NKIRAS2: variants seen among roughly 807,000 people sequenced by gnomAD.
The protein encoded by NKIRAS2 is NF-kappa-B inhibitor-interacting Ras-like protein 2.
NKIRAS2 carries 15 observed loss-of-function variants against 20.7 expected under a neutral mutation model. The ratio of observed to expected loss-of-function variants is 0.73; its 90% CI spans 0.49 to 1.12. NKIRAS2 has a LOEUF of 1.12. Among genes scored for constraint, NKIRAS2 ranks in the 50% most tolerant of loss-of-function variants. The pLI is 0.00. For synonymous variants in NKIRAS2, 116 were observed against 101.4 expected (o/e 1.14, Z -0.87); for missense variants, 196 against 249.6 (o/e 0.79, Z 1.45).
Position 42,022,049 on chromosome 17 carries a change from A to G in NKIRAS2, c.95-350A>G, listed in dbSNP as rs1286727892. 54 of 447,352 alleles carry G rather than the reference A, an allele frequency of 1.2e-4. No individual in the cohort carries two copies. The East Asian group carries it at 2.1e-3, about 17-fold the overall frequency. 27.7% of individuals were successfully genotyped at this position (447,352 alleles called of 1,614,324 possible). Reference sequence around the variant, plus strand: ...ACTTGGAGAAACCCTGTCTCTACTAAAAATACAAAATTAGCCGGGTGTGGT... The same window carrying G: ...ACTTGGAGAAACCCTGTCTCTACTAGAAATACAAAATTAGCCGGGTGTGGT... On this transcript the variant is annotated intron_variant, in intron 2 of 3. Coordinates refer to ENST00000393885, the MANE Select transcript of NKIRAS2 (RefSeq NM_017595.6).
chr17:42,018,599 C>T (rs1555652436), upstream of NKIRAS2: 2 of 152,174 alleles, frequency 1.3e-5, no homozygotes, highest in East Asian at 1.9e-4. Context: ...CAGCCCTTTC[C>T]AAAACGCCTA....
In NKIRAS2 at chr17:42,023,638, T is replaced by A. The variant is rs1555653551; in HGVS notation, c.337-16T>A. 5 of 1,612,596 alleles carry A rather than the reference T, an allele frequency of 3.1e-6. No homozygotes were observed. Among genetic ancestry groups the A allele is most frequent in the Non-Finnish European group, 4.2e-6 (5 of 1,179,016 alleles). On this transcript the variant is annotated splice_polypyrimidine_tract_variant and intron_variant, in intron 3 of 3. Transcript: ENST00000393885. ...ATGGTACATTCACAGGCCTATGCTC[T>A]GTCCCTCTTCCCCAGGTCACCATCG... is the stretch of plus-strand genomic sequence containing the variant.
chr17:42,017,751 A>G, upstream of NKIRAS2: 2 of 404,186 alleles, frequency 4.9e-6, no homozygotes, highest in South Asian at 5.1e-5. Flanking sequence ...CCAATCCTAG[A>G]GAGTCTTCCT....
Position 42,021,612 on chromosome 17 carries a change from A to C in NKIRAS2, c.35A>C (p.Gln12Pro). ...GKSCKVVVCG[Q>P]ASVGKTSILE... ...AGCTGCAAGGTGGTCGTGTGTGGCC[A>C]GGCGTCTGTGGGCAAAACTTCAATC... The change falls in exon 2 of 4, where the codon CAG becomes CCG. Residue 12 changes from glutamine (Q) to proline (P), a missense_variant. Transcript: ENST00000393885. 5 of 1,614,192 alleles carry C rather than the reference A, an allele frequency of 3.1e-6. No individual in the cohort carries two copies. Among genetic ancestry groups the C allele is most frequent in the Non-Finnish European group, 4.2e-6 (5 of 1,180,020 alleles).
rs1485508011 is a variant in NKIRAS2 at position 42,023,848 on chromosome 17, C to T, written c.531C>T (p.Phe177=). The T allele has an allele frequency of 2.5e-6, 4 of 1,614,066 alleles. No individual in the cohort carries two copies. The highest frequency in any genetic ancestry group is 2.7e-5 in the African/African-American group (2 of 74,916). Residue 177 remains phenylalanine, a synonymous_variant, in exon 4 of 4, where the codon TTC becomes TTT. Coordinates refer to ENST00000393885, the MANE Select transcript of NKIRAS2 (RefSeq NM_017595.6). ...CGCAACCCCAGAGCAAGTCTGCCTT[C>T]CCCCTCAGCCGGAAGAACAAGGGCA... ...KMTQPQSKSA[F]PLSRKNKGSG... is the part of the protein sequence containing the mutation.
In NKIRAS2 at chr17:42,024,600, C is replaced by T. The variant is rs1295806356; in HGVS notation, c.*707C>T. On this transcript the variant is annotated 3_prime_UTR_variant, in exon 4 of 4. Transcript: ENST00000393885. The stretch of plus-strand genomic sequence containing the variant: ...CCAGCCTGGCCAACATTGTGAAACC[C>T]CATCTCTGCCAAAAATACAAAAGTT... 1 of 152,250 alleles carries T rather than the reference C, an allele frequency of 6.6e-6. No homozygotes were observed. Among genetic ancestry groups the T allele is most frequent in the Non-Finnish European group, 1.5e-5 (1 of 68,122 alleles). 9.4% of individuals were successfully genotyped at this position (152,250 alleles called of 1,614,324 possible).
At chr17:42,019,592 G>C (rs2052392113), upstream of NKIRAS2, among the ~76,000 whole-genome samples, 1 of 152,112 alleles carries the variant, frequency 6.6e-6, no homozygotes, top group African/African-American at 2.4e-5. Context: ...GCCATGACTT[G>C]TAGCCGTTTC....
upstream of NKIRAS2, chr17:42,018,426 A>G (rs1348879282): frequency 6.6e-6 from 1 of 152,194 alleles, no homozygotes; most frequent in Non-Finnish European, 1.5e-5. Context: ...AAGGAATTTT[A>G]AAAGGATTTA....
chr17:42,022,392 A>G lies in NKIRAS2; in HGVS notation c.95-7A>G, dbSNP rs782506106. ...CCACTTCAGACAGTTTTCTCATTTT[A>G]TACCAGGTTCGGAGATGATCGAGAC... On this transcript the variant is annotated splice_region_variant and splice_polypyrimidine_tract_variant and intron_variant, in intron 2 of 3. Transcript: ENST00000393885. 1.3e-6 allele frequency: 2 copies of G among 1,565,574 alleles called. No individual in the cohort carries two copies. The highest frequency in any genetic ancestry group is 1.7e-6 in the Non-Finnish European group (2 of 1,151,146).
In NKIRAS2 at chr17:42,024,509, AC is replaced by A. The variant is rs2052531657; in HGVS notation, c.*620del. ...CACCCCTGGCTGGGCTCAGTGGCTC[AC>A]CCCTGTAATCCCAGCACTTTGGGAG... On this transcript the variant is annotated 3_prime_UTR_variant, in exon 4 of 4. Coordinates refer to ENST00000393885, the MANE Select transcript of NKIRAS2 (RefSeq NM_017595.6). The A allele has an allele frequency of 6.5e-6, 1 of 153,628 alleles. No individual in the cohort carries two copies. Among genetic ancestry groups the A allele is most frequent in the Non-Finnish European group, 1.4e-5 (1 of 68,990 alleles). 9.5% of individuals were successfully genotyped at this position (153,628 alleles called of 1,614,324 possible). A position where few individuals can be genotyped will look rare whatever the true frequency, so the allele number is the denominator to read the frequency against.
At chr17:42,018,072 G>C (rs1475851950), upstream of NKIRAS2, among the ~76,000 whole-genome samples, 1 of 152,116 alleles carries the variant, frequency 6.6e-6, no homozygotes, top group Non-Finnish European at 1.5e-5. Context: ...CAGCCGCCTG[G>C]GAGTGCCATC....
At chr17:42,022,691 C>A in intron 3 of NKIRAS2, 51 bp downstream of exon 3, 1 of 1,570,312 alleles carries the variant, frequency 6.4e-7, no homozygotes. Flanking sequence ...AGAGTTTGGG[C>A]GGAGGGCTGG....
chr17:42,021,440 T>C (rs1555652941), intron 1 of NKIRAS2, 124 bp from the exon 2 acceptor site: 2 of 734,552 alleles, frequency 2.7e-6, no homozygotes, highest in Non-Finnish European at 4.9e-6. Context: ...CTCTCAGTTA[T>C]GGACGTTCTG....
In NKIRAS2 at chr17:42,022,487, C is replaced by T. The variant is rs1555653292; in HGVS notation, c.183C>T (p.Asp61=). Residue 61 remains aspartate (D), a synonymous_variant, in exon 3 of 4, where the codon GAC becomes GAT. Coordinates refer to ENST00000393885, the MANE Select transcript of NKIRAS2 (RefSeq NM_017595.6). ...RGVREQVRFY[D]TRGLRDGAEL... Reference sequence around the variant, plus strand: ...TGCGAGAGCAGGTGCGTTTCTATGACACCCGGGGGCTCCGAGATGGGGCCG... The same window carrying T: ...TGCGAGAGCAGGTGCGTTTCTATGATACCCGGGGGCTCCGAGATGGGGCCG... The T allele has an allele frequency of 5.6e-6, 9 of 1,613,986 alleles. No individual in the cohort carries two copies. Among genetic ancestry groups the T allele is most frequent in the East Asian group, 2.2e-5 (1 of 44,882 alleles).
rs781874558 is a variant in NKIRAS2 at position 42,023,844 on chromosome 17, C to T, written c.527C>T (p.Ala176Val). Reference protein sequence around the residue: ...SKMTQPQSKSAFPLSRKNKGS... With the variant: ...SKMTQPQSKSVFPLSRKNKGS... ...ATGACGCAACCCCAGAGCAAGTCTG[C>T]CTTCCCCCTCAGCCGGAAGAACAAG... Residue 176 changes from alanine (A) to valine (V), a missense_variant, in exon 4 of 4, where the codon GCC becomes GTC. By Grantham distance (64) the Ala-to-Val change is moderately conservative. Coordinates refer to ENST00000393885, the MANE Select transcript of NKIRAS2 (RefSeq NM_017595.6). 6.2e-7 allele frequency: 1 copy of T among 1,614,146 alleles called. No individual in the cohort carries two copies. Among genetic ancestry groups the T allele is most frequent in the East Asian group, 2.2e-5 (1 of 44,882 alleles).
chr17:42,025,010 A>G lies in NKIRAS2; in HGVS notation c.*1117A>G, dbSNP rs1326771138. The G allele has an allele frequency of 2.0e-5, 3 of 152,514 alleles. No individual in the cohort carries two copies. Among genetic ancestry groups the G allele is most frequent in the Non-Finnish European group, 4.4e-5 (3 of 68,018 alleles). 9.4% of individuals were successfully genotyped at this position (152,514 alleles called of 1,614,324 possible). ...TCCTTTCCAGTTCTCTTGATTTCGT[A>G]AAGCCAATGGCTTCTCCCTCTTTAA... On this transcript the variant is annotated 3_prime_UTR_variant, in exon 4 of 4. Transcript: ENST00000393885.
rs968516436 is a variant in NKIRAS2, at chr17:42,024,809, T to A, written c.*916T>A. The stretch of plus-strand genomic sequence containing the variant: ...AAAAAAAATTCCCCACCCCTACCAA[T>A]TGTTTTACTTCCTCTTCCTGCTCAG... On this transcript the variant is annotated 3_prime_UTR_variant, in exon 4 of 4. Coordinates refer to ENST00000393885, the MANE Select transcript of NKIRAS2 (RefSeq NM_017595.6). 6.6e-6 allele frequency: 1 copy of A among 151,800 alleles called. No homozygotes were observed. The highest frequency in any genetic ancestry group is 2.4e-5 in the African/African-American group (1 of 41,218). 9.4% of individuals were successfully genotyped at this position (151,800 alleles called of 1,614,324 possible).
chr17:42,022,353 T>G lies in NKIRAS2; in HGVS notation c.95-46T>G, dbSNP rs1293491921. On this transcript the variant is annotated intron_variant, in intron 2 of 3. Coordinates refer to ENST00000393885, the MANE Select transcript of NKIRAS2 (RefSeq NM_017595.6). ...TTAAGATGCTCTCATCACTCACATT[T>G]CCCATCTCTCTCTCCACTTCAGACA... The G allele has an allele frequency of 3.9e-6, 6 of 1,535,626 alleles. No individual in the cohort carries two copies. In the Admixed American group the frequency reaches 5.9e-5, roughly 15 times the overall value.
In NKIRAS2 at chr17:42,022,525, A is replaced by G. The variant is rs2052480747; in HGVS notation, c.221A>G (p.His74Arg). 6.2e-7 allele frequency: 1 copy of G among 1,614,122 alleles called. No homozygotes were observed. The highest frequency in any genetic ancestry group is 8.5e-7 in the Non-Finnish European group (1 of 1,180,006). The stretch of plus-strand genomic sequence containing the variant: ...CGAGATGGGGCCGAACTGCCCCGAC[A>G]CTGCTTCTCTTGCACTGATGGCTAC... ...GLRDGAELPRHCFSCTDGYVL... is the reference protein window; with the variant it reads ...GLRDGAELPRRCFSCTDGYVL... Residue 74 changes from histidine to arginine, a missense_variant, in exon 3 of 4, where the codon CAC becomes CGC. His to Arg is a conservative substitution (Grantham distance 29). Transcript: ENST00000393885.
Sources: gnomAD v4.1 joint callset for allele counts (sites outside exome capture counted in the v4.1 genomes callset) on GRCh38, gnomAD v4.1.1 for gene constraint, MANE v1.5 for transcripts, NCBI Gene and HGNC (gene_info 2026-07-23, HGNC 2026-07-21) for gene names.